Variants in CD36 observed in about 807,000 individuals in gnomAD.
CD36 encodes CD36 molecule (CD36 blood group).
In CD36, 119 loss-of-function variants were observed where a neutral mutation model predicts 55.2. That is an observed-to-expected ratio of 2.15 (90% CI 1.86 to 2.51). CD36 has a LOEUF of 2.51. CD36 is among the 30% of genes most tolerant of loss of function. CD36 has a pLI of 0.00. For synonymous variants in CD36, 186 were observed against 193.6 expected (o/e 0.96, Z 0.33); for missense variants, 819 against 555.5 (o/e 1.47, Z -4.77).
At position 80,608,114 on chromosome 7, in the gene CD36, A is replaced by G. The variant is rs185097359; in HGVS notation, c.-184+5735A>G. On this transcript the variant is annotated intron_variant, in intron 1 of 13. Coordinates refer to the CD36 transcript ENST00000309881. ...TGTACATTTTTATGTTCAAAATTAA[A>G]TTATAATCCCCAAATGAGTGTCTTT... 3.0e-3 allele frequency among the ~76,000 whole-genome samples: 462 copies of G among 152,302 alleles called. 1 individual carries two copies. The highest frequency in any genetic ancestry group is 0.011 in the African/African-American group (439 of 41,558).
chr7:80,673,052 C>CATCTCTTATTTT, intron 12 of CD36: 3 of 556,614 alleles, frequency 5.4e-6, no homozygotes, highest in Non-Finnish European at 9.6e-6. Context: ...CATTTGATAG[C>CATCTCTTATTTT]ATCTCTTATT....
At chr7:80,611,142 C>G (rs1488265918) in intron 1 of CD36, among the ~76,000 whole-genome samples, 1 of 152,128 alleles carries the variant, frequency 6.6e-6, no homozygotes, top group African/African-American at 2.4e-5. Flanking sequence ...TTGGGCCCCA[C>G]AAACCACTGG....
chr7:80,604,350 ATTTTTTTTTTTTTTTTTTTTTTTTTT>A (rs67213422), intron 1 of CD36, among the ~76,000 whole-genome samples: 4 of 54,278 alleles, frequency 7.4e-5, no homozygotes, highest in African/African-American at 1.6e-4. Context: ...AGCCACTGGA[ATTTTTTTTTTTTTTTTTTTTTTTTTT>A]TTTTTTTTTT....
chr7:80,656,624 G>C lies in CD36; in HGVS notation c.205G>C (p.Asp69His), dbSNP rs751997938. The C allele has an allele frequency of 1.5e-5, 24 of 1,613,626 alleles. No homozygotes were observed. Among genetic ancestry groups the C allele is most frequent in the Non-Finnish European group, 2.0e-5 (24 of 1,179,794 alleles). ...AGTTTACAGACAGTTTTGGATCTTT[G>C]ATGTGCAAAATCCACAGGAAGTGAT... is the stretch of plus-strand genomic sequence containing the variant. The part of the protein sequence containing the change: ...TEVYRQFWIF[D>H]VQNPQEVMMN... The change falls in exon 4 of 15, where the codon GAT (aspartate) becomes CAT (histidine). Residue 69 changes from aspartate to histidine, a missense_variant. Physicochemically the swap from Asp to His is moderately conservative, Grantham distance 81. Coordinates refer to ENST00000447544, the MANE Select transcript of CD36 (RefSeq NM_001001548.3).
chr7:80,654,930 C>A (rs1795937105), intron 3 of CD36, among the ~76,000 whole-genome samples: 1 of 150,972 alleles, frequency 6.6e-6, no homozygotes. Flanking sequence ...GAGGACTAGT[C>A]TAAGGGTCAT....
chr7:80,613,500 A>G (rs985585049), intron 1 of CD36, among the ~76,000 whole-genome samples: 2 of 152,144 alleles, frequency 1.3e-5, no homozygotes, highest in African/African-American at 4.8e-5. Context: ...CTTAAGGTCT[A>G]TCTTTTCACA....
rs375675817 is a variant in CD36 at position 80,665,617 on chromosome 7, G to C, written c.702-826G>C. ...GAGCATTTCACTCTAATATTACAGA[G>C]AGATGTGGAGGGGAGTTGCAAAGCA... On this transcript the variant is annotated intron_variant, in intron 7 of 14. Transcript: ENST00000447544. 5.7e-4 allele frequency among the ~76,000 whole-genome samples: 86 copies of C among 152,190 alleles called. 3 individuals are homozygous for C. In the South Asian group the frequency reaches 0.017, roughly 29 times the overall value.
intron 11 of CD36, among the ~76,000 whole-genome samples, chr7:80,672,457 A>AAT (rs1447571831): frequency 1.3e-5 from 2 of 151,882 alleles, no homozygotes; most frequent in African/African-American, 4.8e-5. Flanking sequence ...ATTCTAACTG[A>AAT]ATATATATTT....
intron 8 of CD36, among the ~76,000 whole-genome samples, chr7:80,668,808 A>G (rs1336949274): frequency 6.6e-6 from 1 of 152,218 alleles, no homozygotes; most frequent in Non-Finnish European, 1.5e-5. Flanking sequence ...GAAAGAACCT[A>G]CAATGCATAA....
At chr7:80,623,195 C>T (rs535230830) in intron 1 of CD36, among the ~76,000 whole-genome samples, 69 of 152,116 alleles carry the variant, frequency 4.5e-4, no homozygotes, top group African/African-American at 1.6e-3. Flanking sequence ...AGGCTAGGGA[C>T]CAGCTCTAGA....
At chr7:80,612,396 A>G (rs1425640080) in intron 1 of CD36, among the ~76,000 whole-genome samples, 2 of 152,214 alleles carry the variant, frequency 1.3e-5, no homozygotes, top group African/African-American at 4.8e-5. Context: ...TTGTTATATA[A>G]ATGAAAAAAT....
chr7:80,664,799 T>C (rs3211909), intron 7 of CD36, among the ~76,000 whole-genome samples: 10,883 of 149,838 alleles, frequency 0.073, 918 homozygotes, highest in African/African-American at 0.2. Context: ...CTGCTACTTA[T>C]CCAGCATTAC....
At chr7:80,670,930 T>C in intron 9 of CD36, 47 bp from the exon 10 acceptor site, 1 of 1,263,204 alleles carries the variant, frequency 7.9e-7, no homozygotes, top group Non-Finnish European at 1.2e-6. Flanking sequence ...ATCTCCAGAA[T>C]GTAAGTTCAG....
At chr7:80,614,552 A>T (rs1390903477) in intron 1 of CD36, among the ~76,000 whole-genome samples, 1 of 152,168 alleles carries the variant, frequency 6.6e-6, no homozygotes, top group Non-Finnish European at 1.5e-5. Context: ...CTTGTACATT[A>T]GTCTGTGATT....
chr7:80,663,987 G>A (rs1796776526), intron 6 of CD36, among the ~76,000 whole-genome samples: 1 of 151,924 alleles, frequency 6.6e-6, no homozygotes, highest in South Asian at 2.1e-4. Context: ...TTTAACTTTT[G>A]GATGTCTAAT....
At chr7:80,629,392 T>C (rs899391026) in intron 1 of CD36, among the ~76,000 whole-genome samples, 2 of 152,040 alleles carry the variant, frequency 1.3e-5, no homozygotes, top group African/African-American at 4.8e-5. Context: ...TTTCATGAGT[T>C]CTGGGCAAAT....
intron 1 of CD36, among the ~76,000 whole-genome samples, chr7:80,643,744 C>G (rs1309374623): frequency 6.6e-6 from 1 of 152,160 alleles, no homozygotes; most frequent in Non-Finnish European, 1.5e-5. Flanking sequence ...ATTTTATCAT[C>G]TCATTTTACG....
intron 3 of CD36, among the ~76,000 whole-genome samples, chr7:80,649,601 A>G (rs1795445018): frequency 6.6e-6 from 1 of 152,060 alleles, no homozygotes; most frequent in South Asian, 2.1e-4. Context: ...TATTGATAGA[A>G]GGTATGTATA....
intron 3 of CD36, among the ~76,000 whole-genome samples, chr7:80,649,852 A>G (rs955940711): frequency 6.6e-6 from 1 of 151,926 alleles, no homozygotes; most frequent in African/African-American, 2.4e-5. Flanking sequence ...ATGATCTTAT[A>G]TGAAGAAACA....
Sources: gnomAD v4.1 joint callset for allele counts (sites outside exome capture counted in the v4.1 genomes callset) on GRCh38, gnomAD v4.1.1 for gene constraint, MANE v1.5 for transcripts, NCBI Gene and HGNC (gene_info 2026-07-23, HGNC 2026-07-21) for gene names.